The following PDE10A variants were observed in gnomAD, a reference collection of about 807,000 sequenced individuals.
PDE10A encodes the protein phosphodiesterase 10A.
In PDE10A, 39 loss-of-function variants were observed where a neutral mutation model predicts 97.7. The ratio of observed to expected loss-of-function variants is 0.40; its 90% CI spans 0.31 to 0.52. The LOEUF is 0.52. PDE10A is among the 20% of genes least tolerant of loss of function. The pLI is 0.56. For missense variants in PDE10A, 731 were observed against 1,047.8 expected (o/e 0.70, Z 4.17); for synonymous variants, 371 against 376.8 (o/e 0.98, Z 0.18).
At chr6:165,703,377 G>A (rs1791628961) in intron 1 of PDE10A, among the ~76,000 whole-genome samples, 1 of 152,158 alleles carries the variant, frequency 6.6e-6, no homozygotes, top group Non-Finnish European at 1.5e-5. Flanking sequence ...ACGTTTTAGA[G>A]TTGTAAAAGG....
intron 5 of PDE10A, among the ~76,000 whole-genome samples, chr6:165,441,874 A>C (rs898045835): frequency 1.6e-4 from 24 of 152,182 alleles, no homozygotes; most frequent in African/African-American, 5.8e-4. Flanking sequence ...TGGCTACTGG[A>C]CTAATAAGTT....
At chr6:165,971,088 C>T (rs1784656530) in intron 1 of PDE10A, among the ~76,000 whole-genome samples, 1 of 151,626 alleles carries the variant, frequency 6.6e-6, no homozygotes, top group South Asian at 2.1e-4. Context: ...GCAGAGGTTG[C>T]AGTGAGCCTA....
rs568355958 is a variant in PDE10A, at chr6:165,480,426, T to TA, written c.1023+1888dup. Reference sequence around the variant, plus strand: ...AACATGGAAAAATCCCATCTCTATTTAAAAAAAAAATTAGCTGGGCATGGT... The same window carrying TA: ...AACATGGAAAAATCCCATCTCTATTTAAAAAAAAAAATTAGCTGGGCATGGT... On this transcript the variant is annotated intron_variant, in intron 3 of 21. Coordinates refer to ENST00000539869, the MANE Select transcript of PDE10A (RefSeq NM_001385079.1). Among the ~76,000 whole-genome samples, 59 of 149,712 alleles carry TA rather than the reference T, an allele frequency of 3.9e-4. No individual in the cohort carries two copies. In the South Asian group the frequency reaches 0.011, roughly 28 times the overall value.
At chr6:165,562,634 C>A (rs1784575906) in intron 1 of PDE10A, among the ~76,000 whole-genome samples, 1 of 152,138 alleles carries the variant, frequency 6.6e-6, no homozygotes, top group African/African-American at 2.4e-5. Flanking sequence ...GTTTCCGTGA[C>A]ACTGCACTGC....
intron 1 of PDE10A, among the ~76,000 whole-genome samples, chr6:165,797,542 T>C (rs959187652): frequency 6.6e-6 from 1 of 152,206 alleles, no homozygotes; most frequent in Non-Finnish European, 1.5e-5. Flanking sequence ...TCATTTCAAA[T>C]AGTGGAGCAA....
chr6:165,727,483 A>C (rs1562706765), intron 1 of PDE10A, among the ~76,000 whole-genome samples: 1 of 152,182 alleles, frequency 6.6e-6, no homozygotes, highest in Non-Finnish European at 1.5e-5. Flanking sequence ...CCTCTCTCCA[A>C]ACAGTGTTCT....
chr6:165,676,598 C>T (rs1281052164), intron 1 of PDE10A, among the ~76,000 whole-genome samples: 2 of 151,836 alleles, frequency 1.3e-5, no homozygotes, highest in Admixed American at 1.3e-4. Flanking sequence ...TGAGAGGGGT[C>T]CAAGGACTTG....
At chr6:165,660,683 G>C (rs1395867174) in intron 1 of PDE10A, 1 of 152,730 alleles carries the variant, frequency 6.5e-6, no homozygotes, top group Admixed American at 6.5e-5. Flanking sequence ...CAAAGCCTGG[G>C]AATGAGCCGC....
At chr6:165,630,015 C>T (rs1788559389) in intron 1 of PDE10A, among the ~76,000 whole-genome samples, 2 of 151,980 alleles carry the variant, frequency 1.3e-5, no homozygotes, top group African/African-American at 2.4e-5. Flanking sequence ...TTCAATTAAA[C>T]ACCATTGTCA....
At chr6:165,541,075 T>C (rs960679336) in intron 2 of PDE10A, among the ~76,000 whole-genome samples, 1 of 152,194 alleles carries the variant, frequency 6.6e-6, no homozygotes, top group Non-Finnish European at 1.5e-5. Flanking sequence ...ATACATTCTT[T>C]TGATAAACAC....
chr6:165,575,637 T>A (rs1785265042), intron 1 of PDE10A, among the ~76,000 whole-genome samples: 1 of 152,198 alleles, frequency 6.6e-6, no homozygotes, highest in Non-Finnish European at 1.5e-5. Flanking sequence ...CAACAAAACA[T>A]CCTTCACACC....
At chr6:165,921,903 G>A (rs1414606675) in intron 1 of PDE10A, among the ~76,000 whole-genome samples, 2 of 152,138 alleles carry the variant, frequency 1.3e-5, no homozygotes, top group African/African-American at 2.4e-5. Context: ...CTAATGTCAC[G>A]AATGGATCAC....
chr6:165,335,950 GA>G (rs1260319484), intron 21 of PDE10A, among the ~76,000 whole-genome samples, 172 bp downstream of exon 21: 1 of 152,220 alleles, frequency 6.6e-6, no homozygotes, highest in Non-Finnish European at 1.5e-5. Flanking sequence ...AACCAAAGGG[GA>G]GAAGTCGTGG....
chr6:165,434,268 T>G (rs1789834846), intron 6 of PDE10A, among the ~76,000 whole-genome samples: 1 of 152,022 alleles, frequency 6.6e-6, no homozygotes, highest in East Asian at 1.9e-4. Context: ...CCTTCCTCCC[T>G]TCCTTCCCTT....
chr6:165,495,555 T>C (rs573824177), intron 2 of PDE10A, among the ~76,000 whole-genome samples: 4 of 152,202 alleles, frequency 2.6e-5, no homozygotes, highest in African/African-American at 4.8e-5. Flanking sequence ...AGTATTTTTT[T>C]AAATGCAACA....
chr6:165,827,944 T>A (rs749992159), intron 1 of PDE10A, among the ~76,000 whole-genome samples: 1 of 152,184 alleles, frequency 6.6e-6, no homozygotes, highest in Non-Finnish European at 1.5e-5. Flanking sequence ...CTTAGAATAG[T>A]GGTCTCCAAT....
chr6:165,577,906 A>C (rs1359418835), intron 1 of PDE10A, among the ~76,000 whole-genome samples: 1 of 152,176 alleles, frequency 6.6e-6, no homozygotes, highest in Non-Finnish European at 1.5e-5. Flanking sequence ...ACAATAGAAA[A>C]TACACAAAAC....
At chr6:165,639,109 GCGGC>G (rs1487597512) in intron 1 of PDE10A, among the ~76,000 whole-genome samples, 1 of 133,012 alleles carries the variant, frequency 7.5e-6, no homozygotes, top group East Asian at 3.3e-4. Flanking sequence ...AAGCAGGCAG[GCGGC>G]AGGAAGGAAG....
At chr6:165,620,415 C>T (rs1344178850) in intron 1 of PDE10A, among the ~76,000 whole-genome samples, 1 of 152,184 alleles carries the variant, frequency 6.6e-6, no homozygotes, top group Non-Finnish European at 1.5e-5. Context: ...CAATTTCCCA[C>T]CAGCCTTGCA....
Sources: gnomAD v4.1 joint callset for allele counts (sites outside exome capture counted in the v4.1 genomes callset) on GRCh38, gnomAD v4.1.1 for gene constraint, MANE v1.5 for transcripts, NCBI Gene and HGNC (gene_info 2026-07-23, HGNC 2026-07-21) for gene names.